The following ASB7 variants were observed in gnomAD, a reference collection of about 807,000 sequenced individuals.
The protein encoded by ASB7 is ankyrin repeat and SOCS box protein 7.
Under a neutral mutation model 32.5 loss-of-function variants are expected in ASB7, and 4 were observed. The ratio of observed to expected loss-of-function variants is 0.12; its 90% CI spans 0.06 to 0.28. ASB7 has a LOEUF of 0.28. Among genes scored for constraint, ASB7 ranks in the 10% least tolerant of loss-of-function variants. The probability of loss-of-function intolerance (pLI) is 1.00; values close to 1 mark genes in which losing one functional copy is unlikely to be tolerated. For synonymous variants in ASB7, 172 were observed against 155.6 expected, an observed-to-expected ratio of 1.11 and a Z score of -0.78; for missense variants, 181 against 407.1, an observed-to-expected ratio of 0.44 and a Z score of 4.78.
intron 5 of ASB7, among the ~76,000 whole-genome samples, chr15:100,637,802 C>T (rs965325605): frequency 6.6e-6 from 1 of 152,222 alleles, no homozygotes; most frequent in Non-Finnish European, 1.5e-5. Context: ...TCTTCAGGTG[C>T]TTCAGTCAAG....
chr15:100,646,563 A>G, intron 5 of ASB7: 1 of 397,526 alleles, frequency 2.5e-6, no homozygotes, highest in Non-Finnish European at 5.2e-6. Flanking sequence ...TACTAAGGTC[A>G]ACACTTTAAG....
chr15:100,634,305 A>T (rs762060532), intron 5 of ASB7, among the ~76,000 whole-genome samples: 2 of 152,270 alleles, frequency 1.3e-5, no homozygotes, highest in Non-Finnish European at 2.9e-5. Flanking sequence ...ACGTTTAATC[A>T]TATACGTATT....
chr15:100,644,804 A>C (rs995304521), intron 5 of ASB7, among the ~76,000 whole-genome samples: 1 of 146,680 alleles, frequency 6.8e-6, no homozygotes, highest in Admixed American at 6.7e-5. Flanking sequence ...TGGAGGAGAC[A>C]TAATCTTCCC....
chr15:100,644,447 A>G lies in ASB7; in HGVS notation c.818-3876A>G, dbSNP rs1245535403. Among the ~76,000 whole-genome samples, 3 of 152,218 alleles carry G rather than the reference A, an allele frequency of 2.0e-5. No homozygotes were observed. In the East Asian group the frequency reaches 5.8e-4, roughly 29 times the overall value. On this transcript the variant is annotated intron_variant, in intron 5 of 5. Transcript: ENST00000332783. ...ATGAATAGTGTTGAAAAATAATTCAAAACAGGCTTGGAAATGATTTGCTGT... is the reference window on the plus strand; with the variant it reads ...ATGAATAGTGTTGAAAAATAATTCAGAACAGGCTTGGAAATGATTTGCTGT...
chr15:100,631,341 C>T (rs2039882138), intron 5 of ASB7, among the ~76,000 whole-genome samples: 1 of 152,154 alleles, frequency 6.6e-6, no homozygotes, highest in South Asian at 2.1e-4. Flanking sequence ...TTTAAATGGC[C>T]ACAAGTGCCT....
Position 100,614,921 on chromosome 15 carries a change from C to T in ASB7, c.211+2494C>T, listed in dbSNP as rs183773902. Among the ~76,000 whole-genome samples, 58 of 152,226 alleles carry T rather than the reference C, an allele frequency of 3.8e-4. No homozygotes were observed. The East Asian group carries it at 5.4e-3, about 14-fold the overall frequency. On this transcript the variant is annotated intron_variant, in intron 4 of 5. Coordinates refer to ENST00000332783, the MANE Select transcript of ASB7 (RefSeq NM_198243.3). ...CTGTATATATGTATGTATCTAGTTA[C>T]GTGCAGCATAAGGACATTTTGCTCA...
At chr15:100,637,814 C>T (rs1025670466) in intron 5 of ASB7, among the ~76,000 whole-genome samples, 2 of 152,226 alleles carry the variant, frequency 1.3e-5, no homozygotes, top group African/African-American at 4.8e-5. Context: ...TCAGTCAAGA[C>T]AGCATGTTGT....
chr15:100,637,532 A>G (rs541715792), intron 5 of ASB7, among the ~76,000 whole-genome samples: 1 of 152,370 alleles, frequency 6.6e-6, no homozygotes, highest in East Asian at 1.9e-4. Context: ...CTTGTTTTCC[A>G]AATGACTAAT....
intron 4 of ASB7, 71 bp downstream of exon 4, chr15:100,612,498 A>AT (rs1596998927): frequency 7.2e-7 from 1 of 1,391,588 alleles, no homozygotes; most frequent in East Asian, 2.3e-5. Context: ...AAATGTGTCT[A>AT]TTTGTAATTT....
intron 4 of ASB7, among the ~76,000 whole-genome samples, chr15:100,617,569 G>A (rs939217112): frequency 5.3e-5 from 8 of 152,188 alleles, no homozygotes; most frequent in Admixed American, 3.9e-4. Flanking sequence ...CGGGTCACCC[G>A]GGATCCTTGT....
chr15:100,609,803 CAGG>C lies in ASB7; in HGVS notation c.-74_-72del. On this transcript the variant is annotated 5_prime_UTR_variant, in exon 3 of 6. Transcript: ENST00000332783. ...AATGGTTACTAGGCAATCCGTACAT[CAGG>C]AGAAGGGACACTCTTCCATAAGGCA... is the stretch of plus-strand genomic sequence containing the variant. 1 of 152,338 alleles carries C rather than the reference CAGG, an allele frequency of 6.6e-6. No homozygotes were observed. The allele number at this position is 152,338 out of a possible 1,614,324, so 9.4% of individuals were successfully genotyped here.
intron 4 of ASB7, among the ~76,000 whole-genome samples, chr15:100,614,529 C>T (rs968889528): frequency 6.6e-6 from 1 of 152,002 alleles, no homozygotes; most frequent in African/African-American, 2.4e-5. Flanking sequence ...AGCCTGGAAG[C>T]AGCCACAGAT....
rs2040015773 is a variant in ASB7, at chr15:100,649,280, TG to T, written c.*820del. The T allele has an allele frequency of 6.6e-6, 1 of 152,260 alleles. No homozygotes were observed. Among genetic ancestry groups the T allele is most frequent in the African/African-American group, 2.4e-5 (1 of 41,452 alleles). The allele number at this position is 152,260 out of a possible 1,614,324, so 9.4% of individuals were successfully genotyped here. ...GTATTTTATCCATTATTTCACTTGCTGGTCGTCATTTCACAGCCAGCTTTGA... is the reference window on the plus strand; with the variant it reads ...GTATTTTATCCATTATTTCACTTGCTGTCGTCATTTCACAGCCAGCTTTGA... On this transcript the variant is annotated 3_prime_UTR_variant, in exon 6 of 6. Coordinates refer to ENST00000332783, the MANE Select transcript of ASB7 (RefSeq NM_198243.3).
chr15:100,637,998 A>AT (rs1354797689), intron 5 of ASB7, among the ~76,000 whole-genome samples: 1 of 147,150 alleles, frequency 6.8e-6, no homozygotes, highest in Admixed American at 6.8e-5. Context: ...TTGATTGTGG[A>AT]TTTTTTCTTA....
rs2039701936 is a variant in ASB7 at position 100,612,180 on chromosome 15, C to G, written c.-37C>G. The G allele has an allele frequency of 1.9e-6, 3 of 1,550,134 alleles. No individual in the cohort carries two copies. The highest frequency in any genetic ancestry group is 2.2e-5 in the East Asian group (1 of 44,580). On this transcript the variant is annotated 5_prime_UTR_variant, in exon 4 of 6. Transcript: ENST00000332783. ...TCTTCTTAAAGGCTGATCCCCGTAACCTAATGAATCCTTTGTAAAAAGTGG... is the reference window on the plus strand; with the variant it reads ...TCTTCTTAAAGGCTGATCCCCGTAAGCTAATGAATCCTTTGTAAAAAGTGG...
In ASB7 at chr15:100,648,458, T is replaced by C; in HGVS notation, c.953T>C (p.Ile318Thr). 6.2e-7 allele frequency: 1 copy of C among 1,604,892 alleles called. No individual in the cohort carries two copies. The highest frequency in any genetic ancestry group is 8.5e-7 in the Non-Finnish European group (1 of 1,173,662). Residue 318 changes from isoleucine (I) to threonine (T), a missense_variant, in exon 6 of 6, where the codon ATC (isoleucine) becomes ACC (threonine). Coordinates refer to ENST00000332783, the MANE Select transcript of ASB7 (RefSeq NM_198243.3). ...KDYLKHKFDD[I>T] is the part of the protein sequence containing the mutation. ...TACTTAAAACACAAATTTGATGATATCTGATATGCCAGAACTGTGAGCAAG... is the reference window on the plus strand; with the variant it reads ...TACTTAAAACACAAATTTGATGATACCTGATATGCCAGAACTGTGAGCAAG...
In ASB7 at chr15:100,646,708, G is replaced by T. The variant is rs558118102; in HGVS notation, c.818-1615G>T. 5.7e-5 allele frequency: 10 copies of T among 174,858 alleles called. No individual in the cohort carries two copies. The South Asian group carries it at 1.2e-3, about 21-fold the overall frequency. The allele number at this position is 174,858 out of a possible 1,614,324, so 10.8% of individuals were successfully genotyped here. ...AGTTATGGGTTAGTAGGCTGAGAACGGGAGCTCCTGTCTCTTAGGACTACA... is the reference window on the plus strand; with the variant it reads ...AGTTATGGGTTAGTAGGCTGAGAACTGGAGCTCCTGTCTCTTAGGACTACA... On this transcript the variant is annotated intron_variant, in intron 5 of 5. Coordinates refer to ENST00000332783, the MANE Select transcript of ASB7 (RefSeq NM_198243.3).
intron 4 of ASB7, among the ~76,000 whole-genome samples, chr15:100,618,576 ACTCT>A (rs920015214): frequency 2.0e-5 from 3 of 150,798 alleles, no homozygotes; most frequent in Admixed American, 1.3e-4. Context: ...TTGACTTTTC[ACTCT>A]CTCTTTTTCT....
chr15:100,611,309 C>T (rs2039693108), intron 3 of ASB7, among the ~76,000 whole-genome samples: 2 of 151,960 alleles, frequency 1.3e-5, no homozygotes, highest in Non-Finnish European at 1.5e-5. Context: ...TTTCCTTGGC[C>T]TCCCAAAGTG....
Sources: allele counts gnomAD v4.1 joint callset (sites outside exome capture counted in the v4.1 genomes callset), GRCh38; gene constraint gnomAD v4.1.1; transcripts MANE v1.5; gene names NCBI Gene and HGNC (gene_info 2026-07-23, HGNC 2026-07-21).